The following NCBP2L variants were observed in gnomAD, a reference collection of about 807,000 sequenced individuals.
The protein encoded by NCBP2L is nuclear cap binding protein subunit 2 like, also known as nuclear cap-binding protein subunit 2-like.
For synonymous variants in NCBP2L, 39 were observed against 19.2 expected (o/e 2.04, Z -2.70); for missense variants, 95 against 53.1 (o/e 1.79, Z -2.45).
intron 1 of NCBP2L, among the ~76,000 whole-genome samples, chrX:107,781,746 C>A (rs185884038): frequency 0.13 from 5,470 of 41,343 alleles, 207 homozygotes; most frequent in African/African-American, 0.16. Context: ...ATATAGATAT[C>A]TATATATAGA....
intron 1 of NCBP2L, among the ~76,000 whole-genome samples, chrX:107,778,481 T>G (rs976715005): frequency 3.5e-5 from 4 of 112,790 alleles, no homozygotes; most frequent in African/African-American, 6.4e-5. Flanking sequence ...AGTTCAGAGA[T>G]AGAGTTCAGG....
intron 1 of NCBP2L, among the ~76,000 whole-genome samples, chrX:107,789,174 C>CTTTTT (rs760912732): frequency 4.5e-5 from 3 of 67,023 alleles, no homozygotes; most frequent in African/African-American, 1.3e-4. Flanking sequence ...GTCCTAACCT[C>CTTTTT]TTTTTTTTTT....
At chrX:107,782,172 TATATATATAA>T (rs1394328751) in intron 1 of NCBP2L, among the ~76,000 whole-genome samples, 42 of 34,514 alleles carry the variant, frequency 1.2e-3, no homozygotes, top group African/African-American at 5.6e-3. Flanking sequence ...CGGCTATATA[TATATATATAA>T]ATATATATAT....
rs757630457 is a variant in NCBP2L, at chrX:107,794,450, C to CA, written c.231dup (p.Ala78SerfsTer11). 4 of 570,119 alleles carry CA rather than the reference C, an allele frequency of 7.0e-6. No individual in the cohort carries two copies. The Admixed American group carries it at 8.8e-5, about 13-fold the overall frequency. 47.0% of individuals were successfully genotyped at this position (570,119 alleles called of 1,213,427 possible). On this transcript the variant is annotated frameshift_variant, in exon 2 of 2. Coordinates refer to ENST00000509000, the MANE Select transcript of NCBP2L (RefSeq NM_001348372.2). LOFTEE classifies it low-confidence loss of function (END_TRUNC). ...ATGGGCCTGGATAAAATAAAGAAAACAGCATGTGGTTTTTGCTTTGTAGAA... is the reference window on the plus strand; with the variant it reads ...ATGGGCCTGGATAAAATAAAGAAAACAAGCATGTGGTTTTTGCTTTGTAGAA...
intron 1 of NCBP2L, among the ~76,000 whole-genome samples, chrX:107,785,328 A>G (rs1255601069): frequency 9.0e-6 from 1 of 111,601 alleles, no homozygotes; most frequent in African/African-American, 3.3e-5. Flanking sequence ...TATGTTCCTC[A>G]GTCCAACCCC....
At chrX:107,783,164 AT>A (rs1249721697) in intron 1 of NCBP2L, among the ~76,000 whole-genome samples, 2 of 108,701 alleles carry the variant, frequency 1.8e-5, no homozygotes, top group Admixed American at 2.0e-4. Flanking sequence ...AAATATGGAG[AT>A]GGGGAACTGA....
chrX:107,789,174 CTTTTTTT>C (rs760912732), intron 1 of NCBP2L, among the ~76,000 whole-genome samples: 8 of 67,056 alleles, frequency 1.2e-4, no homozygotes, highest in Non-Finnish European at 1.9e-4. Flanking sequence ...GTCCTAACCT[CTTTTTTT>C]TTTTTTTTTT....
At chrX:107,789,262 C>T (rs1930422826) in intron 1 of NCBP2L, among the ~76,000 whole-genome samples, 1 of 103,408 alleles carries the variant, frequency 9.7e-6, no homozygotes. Flanking sequence ...TGCTTTGGAG[C>T]CCATTCTTTC....
chrX:107,781,392 G>A (rs1299103357), intron 1 of NCBP2L, among the ~76,000 whole-genome samples: 2 of 107,376 alleles, frequency 1.9e-5, no homozygotes, highest in African/African-American at 6.8e-5. Flanking sequence ...TGCTACCTCC[G>A]CCTCCCGGGT....
chrX:107,778,277 C>T (rs746879610), intron 1 of NCBP2L, among the ~76,000 whole-genome samples: 2 of 111,686 alleles, frequency 1.8e-5, no homozygotes, highest in Non-Finnish European at 3.8e-5. Context: ...TGTGCATAAC[C>T]TTGGGATGAG....
At chrX:107,785,986 A>AG (rs1297131236) in intron 1 of NCBP2L, among the ~76,000 whole-genome samples, 1 of 111,091 alleles carries the variant, frequency 9.0e-6, no homozygotes, top group Non-Finnish European at 1.9e-5. Flanking sequence ...TAAAAAAAAA[A>AG]ATGGTTTGTG....
At chrX:107,784,934 G>A (rs760911060) in intron 1 of NCBP2L, among the ~76,000 whole-genome samples, 5 of 107,516 alleles carry the variant, frequency 4.7e-5, no homozygotes, top group African/African-American at 6.8e-5. Context: ...AGCTGTGATT[G>A]TGCCACTGCA....
intron 1 of NCBP2L, among the ~76,000 whole-genome samples, chrX:107,780,629 CTTTTTTTT>C (rs984996831): frequency 1.2e-5 from 1 of 85,513 alleles, no homozygotes; most frequent in Non-Finnish European, 2.2e-5. Flanking sequence ...GGGAAGTTCA[CTTTTTTTT>C]TTTTTTTTTT....
At chrX:107,792,163 T>C (rs1244017326) in intron 1 of NCBP2L, among the ~76,000 whole-genome samples, 2 of 111,972 alleles carry the variant, frequency 1.8e-5, no homozygotes, top group African/African-American at 6.5e-5. Flanking sequence ...TGTGTTCGCT[T>C]CTTTGGCTAT....
intron 1 of NCBP2L, among the ~76,000 whole-genome samples, chrX:107,783,855 C>CATATGTGTGTGT (rs1556346053): frequency 1.3e-5 from 1 of 79,857 alleles, no homozygotes; most frequent in Non-Finnish European, 2.3e-5. Flanking sequence ...GTCTGGTGTG[C>CATATGTGTGTGT]GTATGTGTGT....
chrX:107,782,368 A>AATAT (rs34030407), intron 1 of NCBP2L, among the ~76,000 whole-genome samples: 3 of 33,692 alleles, frequency 8.9e-5, no homozygotes, highest in African/African-American at 1.2e-3. Context: ...TATATATATA[A>AATAT]ATATATATAT....
At chrX:107,783,332 A>T (rs1030138039) in intron 1 of NCBP2L, among the ~76,000 whole-genome samples, 3 of 103,333 alleles carry the variant, frequency 2.9e-5, no homozygotes, top group Non-Finnish European at 5.9e-5. Context: ...CAAATATAAA[A>T]ATTAGCCTGG....
intron 1 of NCBP2L, among the ~76,000 whole-genome samples, chrX:107,789,552 C>T (rs761008130): frequency 8.9e-6 from 1 of 111,929 alleles, no homozygotes; most frequent in Non-Finnish European, 1.9e-5. Context: ...TTTCTGTTCC[C>T]AGAACACCAC....
chrX:107,781,754 AGATC>A (rs1238952467), intron 1 of NCBP2L, among the ~76,000 whole-genome samples: 2 of 88,783 alleles, frequency 2.3e-5, no homozygotes, highest in African/African-American at 9.5e-5. Context: ...ATCTATATAT[AGATC>A]TATAGATATC....
Sources: allele counts gnomAD v4.1 joint callset (sites outside exome capture counted in the v4.1 genomes callset), GRCh38; gene constraint gnomAD v4.1.1; transcripts MANE v1.5; gene names NCBI Gene and HGNC (gene_info 2026-07-23, HGNC 2026-07-21).